Variants in CDH8 observed in about 807,000 individuals in gnomAD.
CDH8 encodes the protein cadherin-8.
A neutral mutation model predicts 68.1 loss-of-function variants in CDH8; 17 were observed. The observed-to-expected ratio is 0.25, with a 90% confidence interval of 0.17 to 0.37. CDH8 has a LOEUF of 0.37. CDH8 is among the 10% of genes least tolerant of loss of function. The pLI, the probability that CDH8 is intolerant of heterozygous loss-of-function variation, is 1.00. For missense variants in CDH8, 763 were observed against 999.3 expected (o/e 0.76, Z 3.19); for synonymous variants, 372 against 365.1 (o/e 1.02, Z -0.21).
At chr16:61,988,304 G>C (rs1000426715) in intron 2 of CDH8, among the ~76,000 whole-genome samples, 1 of 152,090 alleles carries the variant, frequency 6.6e-6, no homozygotes, top group Non-Finnish European at 1.5e-5. Context: ...ATTCTACAAA[G>C]GATTATCATC....
chr16:61,909,850 G>A (rs1244945606), intron 2 of CDH8, among the ~76,000 whole-genome samples: 1 of 152,182 alleles, frequency 6.6e-6, no homozygotes, highest in Non-Finnish European at 1.5e-5. Context: ...GAAGTGCAAA[G>A]AGAGAATATT....
chr16:61,738,457 C>T (rs772822010), intron 8 of CDH8, among the ~76,000 whole-genome samples: 6 of 152,068 alleles, frequency 3.9e-5, no homozygotes, highest in Non-Finnish European at 7.4e-5. Context: ...TCTTGAAAAC[C>T]AGGGTAGGCA....
chr16:61,977,600 C>T (rs1006200294), intron 2 of CDH8, among the ~76,000 whole-genome samples: 6 of 151,896 alleles, frequency 4.0e-5, no homozygotes, highest in Admixed American at 2.6e-4. Flanking sequence ...GAACAATACA[C>T]CTCGGGAGAA....
chr16:62,034,238 C>T (rs1174159348), intron 1 of CDH8, among the ~76,000 whole-genome samples: 1 of 151,568 alleles, frequency 6.6e-6, no homozygotes, highest in African/African-American at 2.4e-5. Flanking sequence ...GAAATCCCTG[C>T]AACACTGGAC....
At chr16:61,744,745 A>G (rs1178591263) in intron 8 of CDH8, among the ~76,000 whole-genome samples, 1 of 151,408 alleles carries the variant, frequency 6.6e-6, no homozygotes, top group Non-Finnish European at 1.5e-5. Flanking sequence ...TAATTCATAT[A>G]CATATCCTTG....
intron 7 of CDH8, among the ~76,000 whole-genome samples, chr16:61,807,563 C>A (rs151112882): frequency 6.6e-6 from 1 of 152,104 alleles, no homozygotes; most frequent in African/African-American, 2.4e-5. Flanking sequence ...TTTCAGTGTG[C>A]GTATCCATTA....
chr16:61,851,107 T>A (rs1308018411), intron 4 of CDH8, among the ~76,000 whole-genome samples: 1 of 152,076 alleles, frequency 6.6e-6, no homozygotes, highest in Non-Finnish European at 1.5e-5. Flanking sequence ...TATGCAATCC[T>A]GATTAAAAAG....
At chr16:61,932,246 A>G (rs1215793113) in intron 2 of CDH8, among the ~76,000 whole-genome samples, 2 of 151,890 alleles carry the variant, frequency 1.3e-5, no homozygotes, top group African/African-American at 4.8e-5. Context: ...AAAGCACAGA[A>G]TATTTCCATG....
At position 61,931,591 on chromosome 16, in the gene CDH8, T is replaced by C. The variant is rs577171603; in HGVS notation, c.253-30118A>G. Reference sequence around the variant, plus strand: ...TGTCACACTGCTGAGCCACTTTTCCTGGATATTAGAAACCCCCACTTTCCA... The same window carrying C: ...TGTCACACTGCTGAGCCACTTTTCCCGGATATTAGAAACCCCCACTTTCCA... On this transcript the variant is annotated intron_variant, in intron 2 of 11. Transcript: ENST00000577390. Among the ~76,000 whole-genome samples, 4 of 152,290 alleles carry C rather than the reference T, an allele frequency of 2.6e-5. No individual in the cohort carries two copies. The East Asian group carries it at 7.7e-4, about 29-fold the overall frequency.
intron 2 of CDH8, among the ~76,000 whole-genome samples, chr16:61,929,969 ATAAAG>A (rs1382455720): frequency 2.0e-5 from 3 of 152,170 alleles, no homozygotes; most frequent in Admixed American, 6.5e-5. Flanking sequence ...CCAATATTAA[ATAAAG>A]TATAGTCATA....
At chr16:61,855,777 G>A (rs1343501782) in intron 4 of CDH8, among the ~76,000 whole-genome samples, 1 of 152,090 alleles carries the variant, frequency 6.6e-6, no homozygotes, top group Non-Finnish European at 1.5e-5. Context: ...CAGGGTGTGA[G>A]TCCCACCTCT....
intron 2 of CDH8, among the ~76,000 whole-genome samples, chr16:61,904,865 G>A (rs751241146): frequency 3.3e-5 from 5 of 152,158 alleles, no homozygotes; most frequent in Admixed American, 6.5e-5. Flanking sequence ...TCACATAAAG[G>A]CAACAACACT....
chr16:61,967,536 G>T (rs574207984), intron 2 of CDH8, among the ~76,000 whole-genome samples: 1 of 152,282 alleles, frequency 6.6e-6, no homozygotes, highest in South Asian at 2.1e-4. Flanking sequence ...CTATCTTGGG[G>T]ATGGAAACAA....
rs192950732 is a variant in CDH8 at position 61,830,883 on chromosome 16, A to G, written c.668-5704T>C. 3.9e-5 allele frequency among the ~76,000 whole-genome samples: 6 copies of G among 152,000 alleles called. No homozygotes were observed. In the East Asian group the frequency reaches 9.7e-4, roughly 25 times the overall value. On this transcript the variant is annotated intron_variant, in intron 4 of 11. Coordinates refer to ENST00000577390, the MANE Select transcript of CDH8 (RefSeq NM_001796.5). ...TCCAGGATAAGAGTATTGAGTTGAT[A>G]AAATTATCTGATCACAACTTTTATT...
intron 2 of CDH8, among the ~76,000 whole-genome samples, chr16:62,020,212 A>T (rs2150611947): frequency 6.6e-6 from 1 of 152,332 alleles, no homozygotes; most frequent in Admixed American, 6.5e-5. Context: ...TTTCTTTTAA[A>T]TCATTGCATT....
At chr16:61,715,503 A>T (rs555998717) in intron 9 of CDH8, among the ~76,000 whole-genome samples, 3 of 151,724 alleles carry the variant, frequency 2.0e-5, no homozygotes, top group African/African-American at 7.2e-5. Flanking sequence ...AAATCTTTTG[A>T]CAGTTTCTGG....
chr16:61,887,895 T>C (rs1276036859), intron 3 of CDH8, among the ~76,000 whole-genome samples: 2 of 152,172 alleles, frequency 1.3e-5, no homozygotes, highest in Non-Finnish European at 2.9e-5. Flanking sequence ...GTGTTTTACA[T>C]GTACCTAGCC....
At chr16:61,980,335 C>A (rs1205864864) in intron 2 of CDH8, among the ~76,000 whole-genome samples, 2 of 152,152 alleles carry the variant, frequency 1.3e-5, no homozygotes, top group Admixed American at 1.3e-4. Flanking sequence ...AAGAACACAG[C>A]CCTATTGACG....
chr16:61,831,962 T>C (rs149354198), intron 4 of CDH8, among the ~76,000 whole-genome samples: 51 of 151,894 alleles, frequency 3.4e-4, no homozygotes, highest in Non-Finnish European at 7.2e-4. Flanking sequence ...AAGGGGTCTT[T>C]TACTTATGAG....
Sources: gnomAD v4.1 joint callset for allele counts (sites outside exome capture counted in the v4.1 genomes callset) on GRCh38, gnomAD v4.1.1 for gene constraint, MANE v1.5 for transcripts, NCBI Gene and HGNC (gene_info 2026-07-23, HGNC 2026-07-21) for gene names.